RHEB: variants seen among roughly 807,000 people sequenced by gnomAD.
RHEB encodes the protein GTP-binding protein Rheb.
Under a neutral mutation model 28.8 loss-of-function variants are expected in RHEB, and 2 were observed. The ratio of observed to expected loss-of-function variants is 0.07; its 90% confidence interval spans 0.03 to 0.22. The LOEUF is 0.22. Among genes scored for constraint, RHEB ranks in the 10% least tolerant of loss-of-function variants. The probability of loss-of-function intolerance (pLI) is 1.00; values close to 1 mark genes in which losing one functional copy is unlikely to be tolerated. For missense variants in RHEB, 76 were observed against 219.9 expected, an observed-to-expected ratio of 0.35 and a Z score of 4.14; for synonymous variants, 69 against 77.3, an observed-to-expected ratio of 0.89 and a Z score of 0.56.
At chr7:151,488,620 T>C (rs886439882) in intron 2 of RHEB, among the ~76,000 whole-genome samples, 11 of 152,224 alleles carry the variant, frequency 7.2e-5, no homozygotes, top group Non-Finnish European at 1.2e-4. Context: ...GTAAGTAGAA[T>C]ATAATGTCTG....
chr7:151,470,856 T>C (rs1802149620), intron 6 of RHEB, among the ~76,000 whole-genome samples: 1 of 152,234 alleles, frequency 6.6e-6, no homozygotes, highest in African/African-American at 2.4e-5. Context: ...GACATTGCTT[T>C]ATGGGATTAT....
At chr7:151,487,114 G>C (rs997005454) in intron 2 of RHEB, among the ~76,000 whole-genome samples, 1 of 152,184 alleles carries the variant, frequency 6.6e-6, no homozygotes, top group African/African-American at 2.4e-5. Context: ...GACCACCCTG[G>C]GCAACACAGG....
rs183780185 is a variant in RHEB, at chr7:151,501,348, G to A, written c.53-10334C>T. ...TCAAATGGCAAAGCACATTAAAGATGCTTTTAACATCATTATCCATTAGGG... is the reference window on the plus strand; with the variant it reads ...TCAAATGGCAAAGCACATTAAAGATACTTTTAACATCATTATCCATTAGGG... On this transcript the variant is annotated intron_variant, in intron 1 of 7. Transcript: ENST00000262187. 3.3e-5 allele frequency among the ~76,000 whole-genome samples: 5 copies of A among 152,306 alleles called. No homozygotes were observed. The East Asian group carries it at 9.6e-4, about 29-fold the overall frequency.
chr7:151,515,224 A>G (rs1018390532), intron 1 of RHEB, among the ~76,000 whole-genome samples: 3 of 152,214 alleles, frequency 2.0e-5, no homozygotes, highest in African/African-American at 7.2e-5. Context: ...CATTATACTA[A>G]GTAAAAGACG....
intron 6 of RHEB, 39 bp from the exon 7 acceptor site, chr7:151,470,691 C>G: frequency 7.3e-7 from 1 of 1,364,954 alleles, no homozygotes; most frequent in Non-Finnish European, 1.0e-6. Context: ...GTACTTTGCT[C>G]TTCATTATAT....
chr7:151,498,594 C>G (rs921888118), intron 1 of RHEB, among the ~76,000 whole-genome samples: 1 of 151,992 alleles, frequency 6.6e-6, no homozygotes, highest in Non-Finnish European at 1.5e-5. Flanking sequence ...CAGAGTGAGA[C>G]CCTCTCTTAA....
chr7:151,509,705 G>A (rs1013069151), intron 1 of RHEB, among the ~76,000 whole-genome samples: 4 of 152,272 alleles, frequency 2.6e-5, no homozygotes, highest in African/African-American at 9.6e-5. Context: ...GCCTGTTTTG[G>A]TTTTGTACAG....
chr7:151,519,328 A>T, intron 1 of RHEB, 132 bp downstream of exon 1: 1 of 544,392 alleles, frequency 1.8e-6, no homozygotes, highest in Non-Finnish European at 2.6e-6. Context: ...AATGGTGGTT[A>T]CGAAACGCGC....
chr7:151,478,395 A>C (rs1166715678), intron 3 of RHEB, among the ~76,000 whole-genome samples: 1 of 151,646 alleles, frequency 6.6e-6, no homozygotes, highest in Non-Finnish European at 1.5e-5. Context: ...AAGAAAAAAA[A>C]AAAAAGAAAA....
At chr7:151,498,026 C>T in intron 1 of RHEB, 2 of 943,276 alleles carry the variant, frequency 2.1e-6, no homozygotes, top group Non-Finnish European at 1.5e-6. Context: ...ACACACTTGA[C>T]CATGAAGATG....
chr7:151,488,112 C>T (rs963477983), intron 2 of RHEB, among the ~76,000 whole-genome samples: 5 of 152,178 alleles, frequency 3.3e-5, no homozygotes, highest in African/African-American at 4.8e-5. Context: ...GCTATGCTTG[C>T]TTTTTAGTTA....
At chr7:151,484,123 T>A (rs1584853953) in intron 3 of RHEB, among the ~76,000 whole-genome samples, 1 of 152,282 alleles carries the variant, frequency 6.6e-6, no homozygotes, top group East Asian at 1.9e-4. Context: ...TGGACTCCAG[T>A]CAAACTGGTA....
At chr7:151,492,077 C>A (rs73154867) in intron 1 of RHEB, among the ~76,000 whole-genome samples, 6,549 of 152,222 alleles carry the variant, frequency 0.043, 195 homozygotes, top group Non-Finnish European at 0.066. Context: ...ACCTCCAAAC[C>A]CTTCCTTCTC....
intron 1 of RHEB, among the ~76,000 whole-genome samples, chr7:151,493,035 GT>G (rs1045516019): frequency 6.6e-6 from 1 of 151,834 alleles, no homozygotes; most frequent in African/African-American, 2.4e-5. Flanking sequence ...TAGAGACAGG[GT>G]TTCACCACAT....
chr7:151,518,411 T>C, intron 1 of RHEB, among the ~76,000 whole-genome samples: 1 of 152,084 alleles, frequency 6.6e-6, no homozygotes, highest in East Asian at 1.9e-4. Flanking sequence ...GAACCCTCGC[T>C]TTCACCTCCC....
chr7:151,503,612 A>G (rs1802811702), intron 1 of RHEB: 2 of 452,878 alleles, frequency 4.4e-6, no homozygotes, highest in Admixed American at 3.9e-5. Context: ...TAACTGAAAC[A>G]AAACCAGACC....
intron 1 of RHEB, among the ~76,000 whole-genome samples, chr7:151,492,524 G>A (rs556502354): frequency 6.6e-6 from 1 of 150,706 alleles, no homozygotes; most frequent in East Asian, 2.0e-4. Context: ...GGCTGAGGCA[G>A]GAGGATAGTT....
At chr7:151,518,299 G>C (rs1803118231) in intron 1 of RHEB, among the ~76,000 whole-genome samples, 1 of 152,186 alleles carries the variant, frequency 6.6e-6, no homozygotes, top group Non-Finnish European at 1.5e-5. Context: ...CCCTGGCACA[G>C]GCGGTGGAAA....
chr7:151,503,339 T>C, intron 1 of RHEB: 2 of 876,434 alleles, frequency 2.3e-6, no homozygotes, highest in Non-Finnish European at 2.0e-6. Context: ...ACAGATAAAA[T>C]GCAAGACGGG....
Sources: gnomAD v4.1 joint callset for allele counts (sites outside exome capture counted in the v4.1 genomes callset) on GRCh38, gnomAD v4.1.1 for gene constraint, MANE v1.5 for transcripts, NCBI Gene and HGNC (gene_info 2026-07-23, HGNC 2026-07-21) for gene names.